The following ANK3 variants were observed in gnomAD, a reference collection of about 807,000 sequenced individuals.
ANK3 encodes ankyrin 3.
Under a neutral mutation model 370.9 loss-of-function variants are expected in ANK3, and 57 were observed. The ratio of observed to expected loss-of-function variants is 0.15; its 90% CI spans 0.12 to 0.19. The LOEUF (loss-of-function observed/expected upper bound fraction) is 0.19. ANK3 is among the 10% of genes least tolerant of loss of function. The probability of loss-of-function intolerance (pLI) is 1.00; values close to 1 mark genes in which losing one functional copy is unlikely to be tolerated. For missense variants in ANK3, 4,439 were observed against 5,302.1 expected (o/e 0.84, Z 5.06); for synonymous variants, 1,929 against 1,946.3 (o/e 0.99, Z 0.23).
Position 60,032,271 on chromosome 10 carries a change from A to G in ANK3, c.*20-2445T>C, listed in dbSNP as rs918349187. On this transcript the variant is annotated intron_variant, in intron 43 of 43. Coordinates refer to ENST00000280772, the MANE Select transcript of ANK3 (RefSeq NM_020987.5). ...GGCTGGAATGGAATGGAATGGCATG[A>G]TCACGGCTAACTGCAACCTCCGCCT... 2.3e-5 allele frequency among the ~76,000 whole-genome samples: 3 copies of G among 128,244 alleles called. No individual in the cohort carries two copies. In the South Asian group the frequency reaches 7.6e-4, roughly 32 times the overall value. 84.1% of individuals were successfully genotyped at this position (128,244 alleles called of 152,430 possible). A position where few individuals can be genotyped will look rare whatever the true frequency, so the allele number is the denominator to read the frequency against.
At chr10:60,327,082 A>C (rs973388973) in intron 1 of ANK3, among the ~76,000 whole-genome samples, 4 of 152,114 alleles carry the variant, frequency 2.6e-5, no homozygotes, top group Non-Finnish European at 5.9e-5. Flanking sequence ...CTTTATTTTT[A>C]TCGGAGCATG....
chr10:60,606,200 G>T (rs543637118), intron 2 of ANK3, among the ~76,000 whole-genome samples: 1 of 152,154 alleles, frequency 6.6e-6, no homozygotes, highest in South Asian at 2.1e-4. Context: ...TAAAAATGAT[G>T]CATTTCTTAG....
In ANK3 at chr10:60,134,315, C is replaced by G; in HGVS notation, c.2797G>C (p.Asp933His). The change falls in exon 25 of 44, where the codon GAC becomes CAC. Residue 933 changes from aspartate (D) to histidine (H), a missense_variant. By Grantham distance (81) the Asp-to-His change is moderately conservative. Around this residue, in one of 13 missense-constraint regions of ANK3, gnomAD observed 702 missense variants for 941.5 expected, o/e 0.75. Transcript: ENST00000280772. The stretch of plus-strand genomic sequence containing the variant: ...AGGAGTTCTTCAATCATCATGCTGT[C>G]CCGTGCATAGGAGCTTCTGTTCAAG... ...YTLNRSSYAR[D>H]SMMIEELLVP... 1 of 1,613,924 alleles carries G rather than the reference C, an allele frequency of 6.2e-7. No individual in the cohort carries two copies. Among genetic ancestry groups the G allele is most frequent in the Non-Finnish European group, 8.5e-7 (1 of 1,179,920 alleles).
chr10:60,692,163 C>T (rs1313190540), intron 1 of ANK3, among the ~76,000 whole-genome samples: 2 of 152,200 alleles, frequency 1.3e-5, no homozygotes, highest in African/African-American at 2.4e-5. Flanking sequence ...GAGTGACCAA[C>T]CATGTATCAT....
intron 8 of ANK3, 95 bp downstream of exon 8, chr10:60,234,593 A>G: frequency 1.4e-6 from 1 of 704,970 alleles, no homozygotes. Context: ...TAGAACAGAA[A>G]ACAAAGCTCA....
chr10:60,440,130 G>A (rs931159758), intron 2 of ANK3, among the ~76,000 whole-genome samples: 1 of 152,070 alleles, frequency 6.6e-6, no homozygotes, highest in Admixed American at 6.5e-5. Flanking sequence ...CAGAGTAAGA[G>A]TAGAAGGAGG....
At chr10:60,109,623 G>T (rs1324334663) in intron 26 of ANK3, among the ~76,000 whole-genome samples, 1 of 152,186 alleles carries the variant, frequency 6.6e-6, no homozygotes, top group Admixed American at 6.5e-5. Flanking sequence ...GATGGAAAGA[G>T]ATTAAATGTT....
Position 60,299,128 on chromosome 10 carries a change from C to T in ANK3, c.115-19489G>A, listed in dbSNP as rs146544401. 5.9e-5 allele frequency among the ~76,000 whole-genome samples: 9 copies of T among 152,172 alleles called. No individual in the cohort carries two copies. In the East Asian group the frequency reaches 1.5e-3, roughly 26 times the overall value. Reference sequence around the variant, plus strand: ...GCTTTATTACGAATCTCAAAGATTACCCTTAAAAACTCTTTCTCTGAGACA... The same window carrying T: ...GCTTTATTACGAATCTCAAAGATTATCCTTAAAAACTCTTTCTCTGAGACA... On this transcript the variant is annotated intron_variant, in intron 1 of 43. Transcript: ENST00000280772.
chr10:60,305,801 G>A (rs1023208976), intron 1 of ANK3, among the ~76,000 whole-genome samples: 6 of 152,172 alleles, frequency 3.9e-5, no homozygotes, highest in South Asian at 2.1e-4. Context: ...AAAAGGAGAC[G>A]GAGGCAGAAG....
At chr10:60,361,899 C>T (rs1026897664) in intron 1 of ANK3, among the ~76,000 whole-genome samples, 1 of 151,880 alleles carries the variant, frequency 6.6e-6, no homozygotes, top group Non-Finnish European at 1.5e-5. Context: ...GTGAAAACTG[C>T]TTTTTCTTAT....
chr10:60,694,794 T>C (rs1272168616), intron 1 of ANK3, among the ~76,000 whole-genome samples: 13 of 151,192 alleles, frequency 8.6e-5, no homozygotes, highest in African/African-American at 2.9e-4. Context: ...TGCAAAATCA[T>C]GCCAAAATGT....
intron 7 of ANK3, among the ~76,000 whole-genome samples, chr10:60,249,392 G>A (rs1237622130): frequency 6.6e-6 from 1 of 151,954 alleles, no homozygotes; most frequent in Non-Finnish European, 1.5e-5. Context: ...AAAGTAATGG[G>A]GATTTATATT....
intron 23 of ANK3, chr10:60,144,161 A>T: frequency 2.3e-6 from 1 of 431,354 alleles, no homozygotes. Flanking sequence ...CACAGAACCA[A>T]GGTAGATAAT....
intron 1 of ANK3, among the ~76,000 whole-genome samples, chr10:60,370,015 T>C (rs931947976): frequency 1.3e-5 from 2 of 152,174 alleles, no homozygotes; most frequent in Non-Finnish European, 2.9e-5. Flanking sequence ...AAATATTATG[T>C]ACACTTCTTC....
chr10:60,217,972 T>G (rs1286001186), intron 8 of ANK3, among the ~76,000 whole-genome samples: 2 of 152,198 alleles, frequency 1.3e-5, no homozygotes, highest in Non-Finnish European at 2.9e-5. Context: ...AATAGTTAGC[T>G]CTTCTTGTTG....
chr10:60,264,181 C>A (rs2097846749), intron 5 of ANK3, among the ~76,000 whole-genome samples, 161 bp from the exon 6 acceptor site: 1 of 151,470 alleles, frequency 6.6e-6, no homozygotes, highest in African/African-American at 2.4e-5. Context: ...AAGATATTTT[C>A]AAAAAAAATT....
intron 7 of ANK3, among the ~76,000 whole-genome samples, chr10:60,240,306 A>ATATATATATATTTTTT (rs11282162): frequency 6.7e-5 from 8 of 119,770 alleles, no homozygotes; most frequent in Non-Finnish European, 1.0e-4. Flanking sequence ...ATATATATAT[A>ATATATATATATTTTTT]TTTTTTTTTC....
At chr10:60,154,662 G>C (rs766441830) in intron 23 of ANK3, among the ~76,000 whole-genome samples, 1 of 152,114 alleles carries the variant, frequency 6.6e-6, no homozygotes, top group African/African-American at 2.4e-5. Context: ...AGGCATGGTG[G>C]TGGGCGCCTG....
intron 1 of ANK3, among the ~76,000 whole-genome samples, chr10:60,631,109 T>C (rs1158550698): frequency 6.6e-6 from 1 of 152,084 alleles, no homozygotes; most frequent in African/African-American, 2.4e-5. Context: ...TGATGGGAAT[T>C]ATGAAGAGGT....
Sources: gnomAD v4.1 joint callset for allele counts (sites outside exome capture counted in the v4.1 genomes callset) on GRCh38, gnomAD v4.1.1 for gene constraint, gnomAD v4.1.1 regional missense constraint, MANE v1.5 for transcripts, NCBI Gene and HGNC (gene_info 2026-07-23, HGNC 2026-07-21) for gene names.